NALF1: variants seen among roughly 807,000 people sequenced by gnomAD.
NALF1 encodes the protein family with sequence similarity 155 member A.
In NALF1, 3 loss-of-function variants were observed where a neutral mutation model predicts 48.4. That is an observed-to-expected ratio of 0.06 (90% CI 0.03 to 0.16). The LOEUF is 0.16. NALF1 is among the 10% of genes least tolerant of loss of function. The pLI, the probability that NALF1 is intolerant of heterozygous loss-of-function variation, is 1.00. For missense variants in NALF1, 526 were observed against 571.5 expected (o/e 0.92, Z 0.81); for synonymous variants, 262 against 245.7 (o/e 1.07, Z -0.62).
chr13:107,246,585 A>C (rs1283762919), intron 1 of NALF1, among the ~76,000 whole-genome samples: 1 of 152,224 alleles, frequency 6.6e-6, no homozygotes, highest in Non-Finnish European at 1.5e-5. Context: ...ATGCAGTTCA[A>C]TCCTGTTTAA....
chr13:107,437,683 G>C (rs564668945), intron 1 of NALF1, among the ~76,000 whole-genome samples: 1 of 152,346 alleles, frequency 6.6e-6, no homozygotes, highest in Admixed American at 6.5e-5. Flanking sequence ...CTCAATGGCA[G>C]ACCATGTGAG....
At chr13:107,559,615 T>C (rs1451459522) in intron 1 of NALF1, among the ~76,000 whole-genome samples, 1 of 152,112 alleles carries the variant, frequency 6.6e-6, no homozygotes, top group African/African-American at 2.4e-5. Context: ...GAACAACTAC[T>C]CATCAGGATA....
chr13:107,647,153 T>A (rs768410898), intron 1 of NALF1, among the ~76,000 whole-genome samples: 2 of 152,018 alleles, frequency 1.3e-5, no homozygotes, highest in Non-Finnish European at 2.9e-5. Context: ...GTAATTTATA[T>A]ATAATAATAT....
At chr13:107,850,256 T>C (rs1395232681) in intron 1 of NALF1, among the ~76,000 whole-genome samples, 1 of 152,212 alleles carries the variant, frequency 6.6e-6, no homozygotes, top group Non-Finnish European at 1.5e-5. Context: ...ATAATTTTGC[T>C]GTCTCTCCAC....
chr13:107,311,605 A>G (rs538663926), intron 1 of NALF1, among the ~76,000 whole-genome samples: 241 of 151,674 alleles, frequency 1.6e-3, no homozygotes, highest in Non-Finnish European at 2.5e-3. Context: ...AATCATCACA[A>G]TAGAGTTTCC....
chr13:107,845,559 T>G (rs1485211592), intron 1 of NALF1, among the ~76,000 whole-genome samples: 1 of 152,180 alleles, frequency 6.6e-6, no homozygotes, highest in East Asian at 1.9e-4. Context: ...GTGTCTTCCA[T>G]TTTCAATACA....
chr13:107,252,981 T>G (rs192023658), intron 1 of NALF1, among the ~76,000 whole-genome samples: 1 of 152,356 alleles, frequency 6.6e-6, no homozygotes, highest in African/African-American at 2.4e-5. Context: ...TCAAACTTAA[T>G]AGATTACCCC....
chr13:107,263,276 ACACAC>A (rs1566467976), intron 1 of NALF1, among the ~76,000 whole-genome samples: 3 of 151,692 alleles, frequency 2.0e-5, no homozygotes, highest in Non-Finnish European at 4.4e-5. Context: ...ACACACACAC[ACACAC>A]ACACACACAC....
chr13:107,444,313 C>T (rs1884612696), intron 1 of NALF1, among the ~76,000 whole-genome samples: 1 of 152,138 alleles, frequency 6.6e-6, no homozygotes, highest in Non-Finnish European at 1.5e-5. Context: ...GGTCTCTTCA[C>T]CCTGTAGCAG....
chr13:107,556,318 C>CAT (rs1488162828), intron 1 of NALF1, among the ~76,000 whole-genome samples: 224 of 143,948 alleles, frequency 1.6e-3, no homozygotes, highest in African/African-American at 4.9e-3. Flanking sequence ...CACACACACA[C>CAT]ATATATATAT....
chr13:107,434,326 A>G (rs1884429616), intron 1 of NALF1, among the ~76,000 whole-genome samples: 1 of 152,198 alleles, frequency 6.6e-6, no homozygotes, highest in Non-Finnish European at 1.5e-5. Context: ...TAAGAAGTTA[A>G]TGCTCACTTT....
intron 1 of NALF1, among the ~76,000 whole-genome samples, chr13:107,505,679 T>G (rs1162316431): frequency 1.3e-5 from 2 of 152,170 alleles, no homozygotes; most frequent in African/African-American, 4.8e-5. Flanking sequence ...CCATCAGGCA[T>G]GTGCAAAGCT....
At chr13:107,200,310 G>A (rs569250133) in intron 2 of NALF1, among the ~76,000 whole-genome samples, 4 of 152,296 alleles carry the variant, frequency 2.6e-5, no homozygotes, top group African/African-American at 4.8e-5. Flanking sequence ...GGCTTCACAT[G>A]CTGGGTGGCT....
intron 1 of NALF1, among the ~76,000 whole-genome samples, chr13:107,695,390 C>T (rs934018594): frequency 3.9e-5 from 6 of 151,914 alleles, no homozygotes; most frequent in South Asian, 4.2e-4. Context: ...AAACATAAGT[C>T]GACCGTAAGG....
chr13:107,325,142 A>G (rs1173771942), intron 1 of NALF1, among the ~76,000 whole-genome samples: 3 of 152,208 alleles, frequency 2.0e-5, no homozygotes, highest in Non-Finnish European at 4.4e-5. Context: ...TCACGTCCTA[A>G]TATTATTAGG....
chr13:107,216,896 A>T (rs1042473265), intron 1 of NALF1, among the ~76,000 whole-genome samples: 9 of 152,174 alleles, frequency 5.9e-5, no homozygotes, highest in African/African-American at 2.2e-4. Context: ...TGAAAAGCAG[A>T]TCAACTCGGC....
At chr13:107,430,278 T>A (rs1171909285) in intron 1 of NALF1, among the ~76,000 whole-genome samples, 2 of 143,454 alleles carry the variant, frequency 1.4e-5, no homozygotes, top group Non-Finnish European at 3.1e-5. Flanking sequence ...ATTTTTTTTT[T>A]AATATTTTAA....
intron 1 of NALF1, among the ~76,000 whole-genome samples, chr13:107,852,826 AC>A (rs1201299140): frequency 6.6e-6 from 1 of 152,242 alleles, no homozygotes; most frequent in African/African-American, 2.4e-5. Context: ...TCAGGGCCAT[AC>A]AAAATAACCC....
chr13:107,374,418 C>G (rs1883301148), intron 1 of NALF1, among the ~76,000 whole-genome samples: 1 of 152,130 alleles, frequency 6.6e-6, no homozygotes, highest in African/African-American at 2.4e-5. Context: ...TAAGTAGATC[C>G]TCTATCAAAT....
Sources: gnomAD v4.1 joint callset for allele counts (sites outside exome capture counted in the v4.1 genomes callset) on GRCh38, gnomAD v4.1.1 for gene constraint, MANE v1.5 for transcripts, NCBI Gene and HGNC (gene_info 2026-07-23, HGNC 2026-07-21) for gene names.